The following NBAS variants were observed in gnomAD, a reference collection of about 807,000 sequenced individuals.
The protein encoded by NBAS is NBAS subunit of NRZ tethering complex, also known as NAG/BC035112 fusion.
NBAS carries 219 observed loss-of-function variants against 302.5 expected under a neutral mutation model. The ratio of observed to expected loss-of-function variants is 0.72; its 90% CI spans 0.65 to 0.81. NBAS has a LOEUF of 0.81. NBAS is among the 30% of genes least tolerant of loss of function. NBAS has a pLI of 0.00. For synonymous variants in NBAS, 1,118 were observed against 1,021.6 expected (o/e 1.09, Z -1.80); for missense variants, 2,932 against 2,841.6 (o/e 1.03, Z -0.72).
the NBAS span, among the ~76,000 whole-genome samples, chr2:14,983,512 A>AGGGG: frequency 7.9e-5 from 12 of 152,242 alleles, no homozygotes; most frequent in Non-Finnish European, 1.5e-4. Context: ...GTTTGCAATA[A>AGGGG]CTAAAACAAC....
At chr2:15,198,856 G>A (rs1665739962) in intron 48 of NBAS, among the ~76,000 whole-genome samples, 1 of 152,200 alleles carries the variant, frequency 6.6e-6, no homozygotes, top group African/African-American at 2.4e-5. Flanking sequence ...GCCGGGCGCG[G>A]TGGCTCACGC....
chr2:14,990,203 A>G, the NBAS span, among the ~76,000 whole-genome samples: 1 of 150,560 alleles, frequency 6.6e-6, no homozygotes, highest in Non-Finnish European at 1.5e-5. Context: ...ACCTGAGGTC[A>G]GGAGTTTGAG....
chr2:15,025,036 C>T, the NBAS span, among the ~76,000 whole-genome samples: 117,194 of 152,076 alleles, frequency 0.77, 45,425 homozygotes, highest in East Asian at 1. Context: ...AAAATCTTTG[C>T]TAGTTCCAAT....
intron 38 of NBAS, among the ~76,000 whole-genome samples, chr2:15,310,936 T>C (rs1383837845): frequency 6.6e-6 from 1 of 152,178 alleles, no homozygotes; most frequent in Non-Finnish European, 1.5e-5. Context: ...TCTATACATA[T>C]ATAATGAATC....
the NBAS span, among the ~76,000 whole-genome samples, chr2:15,044,983 C>T: frequency 6.6e-6 from 1 of 152,154 alleles, no homozygotes; most frequent in Non-Finnish European, 1.5e-5. Context: ...ATAGAAACTC[C>T]CTAAGGGATG....
the NBAS span, among the ~76,000 whole-genome samples, chr2:14,857,384 GAAAA>G: frequency 6.6e-6 from 1 of 151,236 alleles, no homozygotes; most frequent in Non-Finnish European, 1.5e-5. Flanking sequence ...AAGCAAAAAA[GAAAA>G]AAAATGTAAA....
chr2:15,513,571 C>T (rs546417020), intron 9 of NBAS, among the ~76,000 whole-genome samples: 1 of 148,564 alleles, frequency 6.7e-6, no homozygotes, highest in Non-Finnish European at 1.5e-5. Context: ...TCAACAAAAA[C>T]TAGACAGTGA....
chr2:15,023,590 G>C, the NBAS span, among the ~76,000 whole-genome samples: 5 of 145,618 alleles, frequency 3.4e-5, no homozygotes, highest in Non-Finnish European at 7.6e-5. Flanking sequence ...CCAGCTATCA[G>C]TTTTATGTTT....
chr2:15,118,541 C>T, the NBAS span, among the ~76,000 whole-genome samples: 3 of 152,142 alleles, frequency 2.0e-5, no homozygotes, highest in Non-Finnish European at 4.4e-5. Flanking sequence ...TCCACCAGTG[C>T]CAGGCCTCAG....
intron 40 of NBAS, among the ~76,000 whole-genome samples, chr2:15,301,748 C>T (rs1670806788): frequency 6.6e-6 from 1 of 152,172 alleles, no homozygotes; most frequent in Admixed American, 6.5e-5. Flanking sequence ...GGGGGAGGAC[C>T]CAATCCAGCT....
chr2:15,008,027 T>C, the NBAS span, among the ~76,000 whole-genome samples: 1 of 152,218 alleles, frequency 6.6e-6, no homozygotes, highest in African/African-American at 2.4e-5. Flanking sequence ...AGGAAGATGT[T>C]GCTATGCAAC....
At chr2:15,184,003 A>C (rs1664953121) in intron 50 of NBAS, among the ~76,000 whole-genome samples, 1 of 152,234 alleles carries the variant, frequency 6.6e-6, no homozygotes, top group Admixed American at 6.5e-5. Context: ...GAATCATCAC[A>C]GCTAAATCAG....
At chr2:15,518,213 C>A (rs1432848037) in intron 9 of NBAS, among the ~76,000 whole-genome samples, 4 of 151,016 alleles carry the variant, frequency 2.6e-5, no homozygotes, top group African/African-American at 9.7e-5. Flanking sequence ...AGGAAATTAT[C>A]ATATAATTTG....
the NBAS span, among the ~76,000 whole-genome samples, chr2:14,984,106 T>A: frequency 6.6e-6 from 1 of 152,182 alleles, no homozygotes; most frequent in South Asian, 2.1e-4. Flanking sequence ...GCATTAGGAT[T>A]ATTTGACAAG....
At chr2:14,899,791 T>A in the NBAS span, among the ~76,000 whole-genome samples, 2 of 152,158 alleles carry the variant, frequency 1.3e-5, no homozygotes, top group African/African-American at 4.8e-5. Context: ...AATTATTTTT[T>A]ACCCTGGGAA....
At chr2:15,476,493 T>A (rs1410640381) in intron 13 of NBAS, among the ~76,000 whole-genome samples, 2 of 151,934 alleles carry the variant, frequency 1.3e-5, no homozygotes, top group Non-Finnish European at 2.9e-5. Flanking sequence ...GAGGCTGAGG[T>A]GGGCAGACCA....
the NBAS span, among the ~76,000 whole-genome samples, chr2:15,131,962 G>T: frequency 2.2e-3 from 338 of 152,208 alleles, 1 homozygote; most frequent in Middle Eastern, 3.4e-3. Flanking sequence ...ACCAACGAGG[G>T]ATCCACCCCG....
Position 15,268,774 on chromosome 2 carries a change from T to C in NBAS, c.5724+6710A>G. Among the ~76,000 whole-genome samples, 2 of 152,186 alleles carry C rather than the reference T, an allele frequency of 1.3e-5. 1 individual carries two copies. The highest frequency in any genetic ancestry group is 2.9e-5 in the Non-Finnish European group (2 of 68,032). On this transcript the variant is annotated intron_variant, in intron 44 of 51. Transcript: ENST00000281513. ...AAAGCCACAGTCTCCAGGCCAATTC[T>C]ACCAACAATAAAGCTGGTATTTTCC...
intron 3 of NBAS, 126 bp downstream of exon 3, chr2:15,556,657 T>C: frequency 2.3e-6 from 2 of 855,286 alleles, no homozygotes; most frequent in Non-Finnish European, 3.9e-6. Flanking sequence ...TGTCTCATAC[T>C]GAGTTTGCCT....
Sources: gnomAD v4.1 joint callset for allele counts (sites outside exome capture counted in the v4.1 genomes callset) on GRCh38, gnomAD v4.1.1 for gene constraint, MANE v1.5 for transcripts, NCBI Gene and HGNC (gene_info 2026-07-23, HGNC 2026-07-21) for gene names.